Variants in LSAMP observed in about 807,000 individuals in gnomAD.
LSAMP encodes limbic system-associated membrane protein.
Under a neutral mutation model 38.6 loss-of-function variants are expected in LSAMP, and 7 were observed. The observed-to-expected ratio is 0.18, with a 90% CI of 0.10 to 0.34. LSAMP has a LOEUF of 0.34. Ranked by LOEUF, LSAMP falls within the 10% of genes least tolerant of loss-of-function variation. LSAMP has a pLI of 1.00. For synonymous variants in LSAMP, 154 were observed against 166.8 expected (o/e 0.92, Z 0.59); for missense variants, 313 against 420.0 (o/e 0.75, Z 2.23).
chr3:116,353,225 C>T (rs374008717), intron 1 of LSAMP, among the ~76,000 whole-genome samples: 31 of 151,818 alleles, frequency 2.0e-4, no homozygotes, highest in East Asian at 1.7e-3. Flanking sequence ...AGAAATATGA[C>T]GAAGTTATAA....
At chr3:115,832,025 T>G (rs896434678) in intron 6 of LSAMP, among the ~76,000 whole-genome samples, 3 of 152,146 alleles carry the variant, frequency 2.0e-5, no homozygotes, top group Non-Finnish European at 4.4e-5. Flanking sequence ...TGCATTTGAT[T>G]TATTGAGGCT....
chr3:116,296,546 G>T (rs1334607944), intron 1 of LSAMP, among the ~76,000 whole-genome samples: 1 of 151,958 alleles, frequency 6.6e-6, no homozygotes, highest in East Asian at 1.9e-4. Flanking sequence ...AGCCGGGCAT[G>T]GTGGTGGGTG....
chr3:116,074,844 C>CTTTTTTTTTTTTTTTTTTTTTTTTTT (rs1161460100), intron 2 of LSAMP, among the ~76,000 whole-genome samples: 21 of 128,406 alleles, frequency 1.6e-4, no homozygotes, highest in African/African-American at 6.5e-4. Flanking sequence ...TTTCTTTATT[C>CTTTTTTTTTTTTTTTTTTTTTTTTTT]TTTTTTTTTT....
intron 1 of LSAMP, among the ~76,000 whole-genome samples, chr3:116,333,930 A>T (rs2047886489): frequency 6.6e-6 from 1 of 151,902 alleles, no homozygotes; most frequent in Admixed American, 6.6e-5. Context: ...TAGAAGAAAC[A>T]ATATAAAAAA....
chr3:116,113,427 T>A (rs1356461106), intron 1 of LSAMP, among the ~76,000 whole-genome samples: 33 of 118,904 alleles, frequency 2.8e-4, no homozygotes, highest in African/African-American at 1.1e-3. Context: ...TATATTTTTT[T>A]TTTTTTTTTT....
chr3:115,892,592 G>A (rs905558780), intron 3 of LSAMP, among the ~76,000 whole-genome samples: 13 of 151,774 alleles, frequency 8.6e-5, no homozygotes, highest in African/African-American at 2.4e-4. Flanking sequence ...GGGGGGTTTC[G>A]GGAGTGCTAG....
intron 3 of LSAMP, among the ~76,000 whole-genome samples, chr3:115,928,804 G>C (rs913292040): frequency 1.3e-5 from 2 of 152,072 alleles, no homozygotes; most frequent in African/African-American, 4.8e-5. Context: ...CAGGTCACAG[G>C]CCAGTGAAAG....
chr3:116,423,710 C>T (rs911671656), intron 1 of LSAMP, among the ~76,000 whole-genome samples: 2 of 152,058 alleles, frequency 1.3e-5, no homozygotes, highest in Admixed American at 6.6e-5. Flanking sequence ...GAACAGAGAG[C>T]GAGTACTGAA....
In LSAMP at chr3:115,938,400, C is replaced by A. The variant is rs149194793; in HGVS notation, c.514+81115G>T. ...TTTCCAACATTTAACCATTTAGTTT[C>A]CCCATTACATTCTTTCTATAATGAG... On this transcript the variant is annotated intron_variant, in intron 3 of 6. Transcript: ENST00000490035. Among the ~76,000 whole-genome samples the A allele has an allele frequency of 5.8e-3, 880 of 152,222 alleles. 13 individuals are homozygous for A. Among genetic ancestry groups the A allele is most frequent in the African/African-American group, 0.02 (846 of 41,546 alleles).
At chr3:115,924,101 A>T (rs993635480) in intron 3 of LSAMP, among the ~76,000 whole-genome samples, 1 of 152,158 alleles carries the variant, frequency 6.6e-6, no homozygotes, top group Non-Finnish European at 1.5e-5. Context: ...CCTGATCCTA[A>T]TTCACATTAG....
At chr3:116,175,255 T>C (rs1303065777) in intron 1 of LSAMP, among the ~76,000 whole-genome samples, 1 of 152,146 alleles carries the variant, frequency 6.6e-6, no homozygotes, top group Non-Finnish European at 1.5e-5. Flanking sequence ...AAATAAACTT[T>C]TTCATTTTTA....
chr3:116,427,495 C>A (rs1054283330), intron 1 of LSAMP, among the ~76,000 whole-genome samples: 22 of 152,270 alleles, frequency 1.4e-4, no homozygotes, highest in African/African-American at 5.3e-4. Context: ...GCCATCAGAG[C>A]TACAATTAGA....
At chr3:116,342,001 C>T (rs1163970003) in intron 1 of LSAMP, among the ~76,000 whole-genome samples, 3 of 151,866 alleles carry the variant, frequency 2.0e-5, no homozygotes, top group Non-Finnish European at 4.4e-5. Flanking sequence ...GAGAAAAGGG[C>T]TATATAAATG....
intron 4 of LSAMP, among the ~76,000 whole-genome samples, chr3:115,849,788 C>G (rs1366731651): frequency 6.6e-6 from 1 of 152,162 alleles, no homozygotes. Context: ...CAGGATAACT[C>G]TGTGATGACT....
chr3:116,337,295 C>G (rs1287987787), intron 1 of LSAMP, among the ~76,000 whole-genome samples: 1 of 151,898 alleles, frequency 6.6e-6, no homozygotes, highest in Non-Finnish European at 1.5e-5. Context: ...CTAAACTACA[C>G]ATTTGAAATG....
At chr3:116,163,860 T>A (rs1460242878) in intron 1 of LSAMP, among the ~76,000 whole-genome samples, 1 of 152,094 alleles carries the variant, frequency 6.6e-6, no homozygotes, top group African/African-American at 2.4e-5. Flanking sequence ...TTTAAAGATT[T>A]TTCCTTAAAA....
chr3:115,949,065 C>T (rs1224890290), intron 3 of LSAMP, among the ~76,000 whole-genome samples: 6 of 152,008 alleles, frequency 3.9e-5, no homozygotes, highest in African/African-American at 9.6e-5. Context: ...GCCAGGAGTT[C>T]GAGACCAGCC....
At chr3:115,826,959 T>C (rs1934436008) in intron 6 of LSAMP, among the ~76,000 whole-genome samples, 1 of 87,374 alleles carries the variant, frequency 1.1e-5, no homozygotes, top group Admixed American at 1.0e-4. Context: ...ATTCCGTCTT[T>C]TTTTTTTTTT....
At chr3:116,004,492 G>A (rs62268853) in intron 3 of LSAMP, among the ~76,000 whole-genome samples, 1 of 124,542 alleles carries the variant, frequency 8.0e-6, no homozygotes, top group Non-Finnish European at 1.7e-5. Flanking sequence ...ATACATACAT[G>A]AAACCAAATG....
Sources: allele counts gnomAD v4.1 joint callset (sites outside exome capture counted in the v4.1 genomes callset), GRCh38; gene constraint gnomAD v4.1.1; transcripts MANE v1.5; gene names NCBI Gene and HGNC (gene_info 2026-07-23, HGNC 2026-07-21).